ACSL5: variants seen among roughly 807,000 people sequenced by gnomAD.
The protein encoded by ACSL5 is long-chain-fatty-acid--CoA ligase 5.
Under a neutral mutation model 84.9 loss-of-function variants are expected in ACSL5, and 50 were observed. That is an observed-to-expected ratio of 0.59 (90% CI 0.47 to 0.75). ACSL5 has a LOEUF of 0.75. Ranked by LOEUF, ACSL5 falls within the 30% of genes least tolerant of loss-of-function variation. ACSL5 has a pLI of 0.00. For synonymous variants in ACSL5, 280 were observed against 300.7 expected (o/e 0.93, Z 0.71); for missense variants, 775 against 830.4 (o/e 0.93, Z 0.82).
chr10:112,400,406 C>CTTTTTTTTTTTTTTTTTTTTTTTTTTTT (rs573644087), intron 3 of ACSL5, among the ~76,000 whole-genome samples: 1 of 98,892 alleles, frequency 1.0e-5, no homozygotes, highest in Non-Finnish European at 1.9e-5. Context: ...TTTTTCTTTT[C>CTTTTTTTTTTTTTTTTTTTTTTTTTTTT]TTTTTTTTTT....
At chr10:112,414,092 G>A (rs972141157) in intron 12 of ACSL5, among the ~76,000 whole-genome samples, 5 of 152,044 alleles carry the variant, frequency 3.3e-5, no homozygotes, top group Non-Finnish European at 5.9e-5. Flanking sequence ...TAGTCATGTC[G>A]GCTAGTCATG....
rs780494884 is a variant in ACSL5 at position 112,395,024 on chromosome 10, C to T, written c.78C>T (p.Ala26=). ...ALICILTFGA[A]IFLWLITRPQ... ...TCTGCATCCTGACATTTGGAGCTGCCATCTTCTTGTGGCTGATCACCAGAC... is the reference window on the plus strand; with the variant it reads ...TCTGCATCCTGACATTTGGAGCTGCTATCTTCTTGTGGCTGATCACCAGAC... Residue 26 remains alanine (A), a synonymous_variant, in exon 2 of 21, where the codon GCC becomes GCT. Transcript: ENST00000354655. 1 of 1,613,984 alleles carries T rather than the reference C, an allele frequency of 6.2e-7. No individual in the cohort carries two copies. Among genetic ancestry groups the T allele is most frequent in the Non-Finnish European group, 8.5e-7 (1 of 1,180,002 alleles).
At chr10:112,383,498 G>GC (rs1234138660) in intron 1 of ACSL5, among the ~76,000 whole-genome samples, 1 of 152,214 alleles carries the variant, frequency 6.6e-6, no homozygotes, top group Non-Finnish European at 1.5e-5. Flanking sequence ...GGGCCCCTCG[G>GC]CCCTGTGACT....
At chr10:112,382,168 C>T (rs1452864646) in intron 1 of ACSL5, among the ~76,000 whole-genome samples, 4 of 152,180 alleles carry the variant, frequency 2.6e-5, no homozygotes, top group Non-Finnish European at 4.4e-5. Flanking sequence ...TGAGGGAACC[C>T]GCCCTCACTT....
intron 14 of ACSL5, among the ~76,000 whole-genome samples, chr10:112,418,570 A>C (rs1057212307): frequency 3.9e-5 from 6 of 152,130 alleles, no homozygotes; most frequent in African/African-American, 1.4e-4. Context: ...CAACAGAGCA[A>C]GACTCCATCT....
At chr10:112,425,647 T>C in intron 18 of ACSL5, 166 bp downstream of exon 18, 1 of 613,412 alleles carries the variant, frequency 1.6e-6, no homozygotes, top group Non-Finnish European at 2.5e-6. Flanking sequence ...TAAGGCAATT[T>C]CAATTTAAAA....
Position 112,410,431 on chromosome 10 carries a change from T to C in ACSL5, c.712-32T>C. 1.2e-6 allele frequency: 2 copies of C among 1,613,778 alleles called. 1 individual carries two copies. Among genetic ancestry groups the C allele is most frequent in the South Asian group, 2.2e-5 (2 of 91,052 alleles). On this transcript the variant is annotated intron_variant, in intron 7 of 20. Coordinates refer to ENST00000354655, the MANE Select transcript of ACSL5 (RefSeq NM_203379.2). The stretch of plus-strand genomic sequence containing the variant: ...ATCACAGTCTGTCCATCTCAACTAA[T>C]GTCTTTCTTTCTTGGTTTTCCATTC...
intron 19 of ACSL5, 87 bp from the exon 20 acceptor site, chr10:112,426,701 C>G (rs1844734292): frequency 8.5e-7 from 1 of 1,179,598 alleles, no homozygotes; most frequent in South Asian, 1.2e-5. Context: ...TACTGCATGG[C>G]TTTGACAGGC....
chr10:112,404,450 G>A, intron 3 of ACSL5, 61 bp from the exon 4 acceptor site: 5 of 1,328,416 alleles, frequency 3.8e-6, no homozygotes, highest in Middle Eastern at 4.0e-4. Context: ...TCTCCTTTTA[G>A]CTTCCTTGGT....
intron 4 of ACSL5, 26 bp downstream of exon 4, chr10:112,404,601 A>G (rs763318363): frequency 1.9e-6 from 3 of 1,608,478 alleles, no homozygotes; most frequent in Admixed American, 3.3e-5. Context: ...GTTTTTAGAC[A>G]GATTCTTTCT....
chr10:112,386,581 A>G (rs2133574685), intron 1 of ACSL5, among the ~76,000 whole-genome samples: 1 of 152,192 alleles, frequency 6.6e-6, no homozygotes, highest in Admixed American at 6.5e-5. Context: ...ATTTTTCAAA[A>G]TTGTTTCACT....
chr10:112,387,525 G>A lies in ACSL5; in HGVS notation c.-29-7393G>A, dbSNP rs374865267. Among the ~76,000 whole-genome samples the A allele has an allele frequency of 2.8e-4, 43 of 152,300 alleles. No homozygotes were observed. In the South Asian group the frequency reaches 5.4e-3, roughly 19 times the overall value. On this transcript the variant is annotated intron_variant, in intron 1 of 20. Transcript: ENST00000354655. ...AGGTTTCCTAGGTTGAGGGTGGCAG[G>A]AATGTAGGAAAAATGATTTTAGAAG...
chr10:112,420,894 G>A (rs1316321531), intron 14 of ACSL5, among the ~76,000 whole-genome samples: 1 of 151,922 alleles, frequency 6.6e-6, no homozygotes, highest in Non-Finnish European at 1.5e-5. Context: ...GCTAATTTTT[G>A]TATTTTTAGT....
chr10:112,409,450 G>A, intron 6 of ACSL5, 57 bp from the exon 7 acceptor site: 1 of 1,536,322 alleles, frequency 6.5e-7, no homozygotes, highest in South Asian at 1.2e-5. Context: ...TTCTTGCAAG[G>A]CAATCAGGTA....
intron 1 of ACSL5, among the ~76,000 whole-genome samples, chr10:112,393,144 C>T (rs955006565): frequency 6.6e-6 from 1 of 152,146 alleles, no homozygotes; most frequent in East Asian, 1.9e-4. Context: ...CCTCATCATA[C>T]AAGTCCAAGT....
intron 11 of ACSL5, among the ~76,000 whole-genome samples, chr10:112,412,948 T>C (rs1429701985): frequency 1.3e-5 from 2 of 152,134 alleles, no homozygotes; most frequent in Non-Finnish European, 2.9e-5. Context: ...CAGAAATAAA[T>C]GTCCATCCTT....
intron 7 of ACSL5, 178 bp from the exon 8 acceptor site, chr10:112,410,285 G>T: frequency 6.5e-7 from 1 of 1,544,074 alleles, no homozygotes; most frequent in Non-Finnish European, 8.7e-7. Flanking sequence ...GAAATCTTAT[G>T]CTCTTCCCTG....
chr10:112,395,994 TC>T (rs1843740250), intron 2 of ACSL5: 1 of 152,354 alleles, frequency 6.6e-6, no homozygotes. Context: ...GCCTTTCCTT[TC>T]CCACCAGAGT....
rs751230177 is a variant in ACSL5, at chr10:112,409,597, T to A, written c.623T>A (p.Val208Glu). 6.2e-7 allele frequency: 1 copy of A among 1,614,082 alleles called. No homozygotes were observed. The highest frequency in any genetic ancestry group is 8.5e-7 in the Non-Finnish European group (1 of 1,179,990). ...VEKGFTPSLK[V>E]IILMDPFDDD... ...AAAGGCTTCACCCCGAGCCTGAAGG[T>A]GATCATCCTTATGGACCCCTTTGAT... The change falls in exon 7 of 21, where the codon GTG becomes GAG. Residue 208 changes from valine to glutamate, a missense_variant. Val to Glu is a moderately radical substitution (Grantham distance 121). Transcript: ENST00000354655.
Sources: allele counts gnomAD v4.1 joint callset (sites outside exome capture counted in the v4.1 genomes callset), GRCh38; gene constraint gnomAD v4.1.1; transcripts MANE v1.5; gene names NCBI Gene and HGNC (gene_info 2026-07-23, HGNC 2026-07-21).